The following HSF2BP variants were observed in gnomAD, a reference collection of about 807,000 sequenced individuals.
HSF2BP encodes the protein heat shock factor 2-binding protein.
In HSF2BP, 35 loss-of-function variants were observed where a neutral mutation model predicts 35.0. The observed-to-expected ratio is 1.00, with a 90% CI of 0.76 to 1.32. HSF2BP has a LOEUF of 1.32. Among genes scored for constraint, HSF2BP ranks in the 40% most tolerant of loss-of-function variants. The pLI, the probability that HSF2BP is intolerant of heterozygous loss-of-function variation, is 0.00. For missense variants in HSF2BP, 326 were observed against 321.7 expected, an observed-to-expected ratio of 1.01 and a Z score of -0.10; for synonymous variants, 114 against 117.4, an observed-to-expected ratio of 0.97 and a Z score of 0.18.
intron 6 of HSF2BP, among the ~76,000 whole-genome samples, chr21:43,626,842 A>C (rs1245382035): frequency 6.6e-6 from 1 of 151,360 alleles, no homozygotes; most frequent in African/African-American, 2.4e-5. Flanking sequence ...TCACTAGTAC[A>C]TTCCACCTCT....
At chr21:43,577,367 C>T (rs1402778609) in intron 8 of HSF2BP, among the ~76,000 whole-genome samples, 1 of 152,220 alleles carries the variant, frequency 6.6e-6, no homozygotes, top group Non-Finnish European at 1.5e-5. Context: ...AATACTTCAA[C>T]TGGAAGTACA....
rs1228537404 is a variant in HSF2BP at position 43,650,124 on chromosome 21, A to C, written c.188-5732T>G. On this transcript the variant is annotated intron_variant, in intron 3 of 8. Transcript: ENST00000291560. ...ATTGTACTTACTGATTTTATAAGTCAATGTTCTAAAACTTAATTTTAAAAA... is the reference window on the plus strand; with the variant it reads ...ATTGTACTTACTGATTTTATAAGTCCATGTTCTAAAACTTAATTTTAAAAA... Among the ~76,000 whole-genome samples the C allele has an allele frequency of 2.0e-5, 3 of 152,376 alleles. No homozygotes were observed. In the East Asian group the frequency reaches 5.8e-4, roughly 29 times the overall value.
At chr21:43,500,153 C>T in the HSF2BP span, among the ~76,000 whole-genome samples, 1,732 of 20,886 alleles carry the variant, frequency 0.083, 189 homozygotes, top group East Asian at 0.26. Flanking sequence ...ACCCTCACAC[C>T]ACACACGCGC....
At chr21:43,506,955 AC>A in the HSF2BP span, among the ~76,000 whole-genome samples, 1 of 108,004 alleles carries the variant, frequency 9.3e-6, no homozygotes, top group Admixed American at 8.9e-5. Flanking sequence ...TGGCTCCACC[AC>A]CCCCCACTCC....
At chr21:43,596,943 T>G (rs2081995494) in intron 7 of HSF2BP, among the ~76,000 whole-genome samples, 1 of 147,544 alleles carries the variant, frequency 6.8e-6, no homozygotes, top group Admixed American at 6.8e-5. Context: ...TATATTGAGG[T>G]TTAGACAAGG....
At chr21:43,640,008 AAGTC>A (rs1213990908) in intron 4 of HSF2BP, among the ~76,000 whole-genome samples, 1 of 152,220 alleles carries the variant, frequency 6.6e-6, no homozygotes, top group Non-Finnish European at 1.5e-5. Context: ...ATCTGAGTGA[AAGTC>A]AGTCTCTGCC....
chr21:43,658,908 A>T (rs546063254), intron 1 of HSF2BP, among the ~76,000 whole-genome samples: 1 of 152,062 alleles, frequency 6.6e-6, no homozygotes, highest in East Asian at 1.9e-4. Flanking sequence ...TCTCAACTCC[A>T]CCCGGGGGCC....
At chr21:43,634,367 A>G (rs2082524152) in intron 4 of HSF2BP, among the ~76,000 whole-genome samples, 1 of 152,206 alleles carries the variant, frequency 6.6e-6, no homozygotes, top group African/African-American at 2.4e-5. Context: ...GGTACCTGAA[A>G]TTCCCTTAAA....
intron 6 of HSF2BP, among the ~76,000 whole-genome samples, chr21:43,619,047 G>A (rs959661578): frequency 6.6e-6 from 1 of 151,856 alleles, no homozygotes; most frequent in African/African-American, 2.4e-5. Flanking sequence ...TGGCACAATC[G>A]CAGCTCACTG....
chr21:43,611,245 CA>C (rs761959316), intron 7 of HSF2BP, among the ~76,000 whole-genome samples: 8 of 149,996 alleles, frequency 5.3e-5, no homozygotes, highest in African/African-American at 1.2e-4. Flanking sequence ...GACTCTGTCT[CA>C]AAAAAAAAAT....
At chr21:43,651,729 G>A (rs537873373) in intron 3 of HSF2BP, among the ~76,000 whole-genome samples, 3 of 151,900 alleles carry the variant, frequency 2.0e-5, no homozygotes, top group Admixed American at 6.6e-5. Flanking sequence ...ACCTGCAATC[G>A]GTCCTGCTCA....
At chr21:43,616,050 A>T (rs918750642) in intron 6 of HSF2BP, among the ~76,000 whole-genome samples, 1,390 of 133,942 alleles carry the variant, frequency 0.01, 17 homozygotes, top group Admixed American at 0.029. Flanking sequence ...AGAAAAAAAA[A>T]AAATATATAT....
At chr21:43,613,708 TTA>T in intron 7 of HSF2BP, 120 bp downstream of exon 7, 1 of 723,208 alleles carries the variant, frequency 1.4e-6, no homozygotes, top group East Asian at 2.5e-5. Flanking sequence ...CTCCAGGAAT[TTA>T]TTTCTTCTAG....
Position 43,614,633 on chromosome 21 carries a change from C to T in HSF2BP, c.575-686G>A, listed in dbSNP as rs368900317. ...GTGAAAATTCACTTTTAATGGCATC[C>T]GTAATCTGAAAACCCAAAATCCAAA... On this transcript the variant is annotated intron_variant, in intron 6 of 8. Coordinates refer to ENST00000291560, the MANE Select transcript of HSF2BP (RefSeq NM_007031.2). 1.7e-4 allele frequency among the ~76,000 whole-genome samples: 26 copies of T among 152,072 alleles called. No homozygotes were observed. The East Asian group carries it at 3.9e-3, about 23-fold the overall frequency.
At chr21:43,609,553 G>A (rs893135933) in intron 7 of HSF2BP, among the ~76,000 whole-genome samples, 3 of 152,154 alleles carry the variant, frequency 2.0e-5, no homozygotes, top group South Asian at 2.1e-4. Context: ...CAGTGAAAGT[G>A]TAGTTCCCCA....
At chr21:43,592,075 G>C in intron 8 of HSF2BP, 150 bp downstream of exon 8, 1 of 551,096 alleles carries the variant, frequency 1.8e-6, no homozygotes, top group Non-Finnish European at 3.3e-6. Flanking sequence ...ACAGATGTAT[G>C]AATGTTTAAA....
chr21:43,612,578 G>A (rs1407730487), intron 7 of HSF2BP, among the ~76,000 whole-genome samples: 7 of 151,452 alleles, frequency 4.6e-5, no homozygotes, highest in Non-Finnish European at 8.8e-5. Flanking sequence ...GTGAACCCGG[G>A]AGGCGGAGCT....
At chr21:43,639,771 T>C (rs557812809) in intron 4 of HSF2BP, among the ~76,000 whole-genome samples, 6 of 152,288 alleles carry the variant, frequency 3.9e-5, no homozygotes, top group East Asian at 1.9e-4. Flanking sequence ...AACCCAGTAA[T>C]TGTACTCTCG....
At chr21:43,612,929 T>G (rs551475012) in intron 7 of HSF2BP, among the ~76,000 whole-genome samples, 1 of 152,312 alleles carries the variant, frequency 6.6e-6, no homozygotes, top group South Asian at 2.1e-4. Context: ...TCTCTGGGAC[T>G]ATAAATTATC....
Sources: gnomAD v4.1 joint callset for allele counts (sites outside exome capture counted in the v4.1 genomes callset) on GRCh38, gnomAD v4.1.1 for gene constraint, MANE v1.5 for transcripts, NCBI Gene and HGNC (gene_info 2026-07-23, HGNC 2026-07-21) for gene names.